Variants in SLC6A13 observed in about 807,000 individuals in gnomAD.
SLC6A13 encodes the protein solute carrier family 6 member 13.
SLC6A13 carries 69 observed loss-of-function variants against 72.9 expected under a neutral mutation model. The observed-to-expected ratio is 0.95, with a 90% confidence interval of 0.78 to 1.16. The LOEUF is 1.16. Among genes scored for constraint, SLC6A13 ranks in the 50% most tolerant of loss-of-function variants. The probability of loss-of-function intolerance (pLI) is 0.00; values close to 1 mark genes in which losing one functional copy is unlikely to be tolerated. For synonymous variants in SLC6A13, 303 were observed against 303.0 expected (o/e 1.00, Z 0.00); for missense variants, 735 against 760.5 (o/e 0.97, Z 0.39).
chr12:227,556 C>T lies in SLC6A13; in HGVS notation c.935+9G>A. 1 of 1,613,778 alleles carries T rather than the reference C, an allele frequency of 6.2e-7. No individual in the cohort carries two copies. The highest frequency in any genetic ancestry group is 8.5e-7 in the Non-Finnish European group (1 of 1,179,864). ...AGGTGTGTGGCTCAGGCCCCACGCC[C>T]CCAATCACCTGTAGCAGTTGTTGTG... On this transcript the variant is annotated intron_variant, in intron 8 of 14. Coordinates refer to ENST00000343164, the MANE Select transcript of SLC6A13 (RefSeq NM_016615.5).
chr12:254,608 C>G lies in SLC6A13; in HGVS notation c.202+5243G>C, dbSNP rs1475795243. On this transcript the variant is annotated intron_variant, in intron 2 of 14. Coordinates refer to ENST00000343164, the MANE Select transcript of SLC6A13 (RefSeq NM_016615.5). This position sits in a 1 kb window ranked among gnomAD's most constrained non-coding sequence, Gnocchi z 4.4. ...TTCTCTTGGTTTTCATCCTGCTTTA[C>G]CAGTTTCTCATTTTCTGTCTCCTCT... Among the ~76,000 whole-genome samples the G allele has an allele frequency of 6.6e-6, 1 of 152,198 alleles. No individual in the cohort carries two copies. The highest frequency in any genetic ancestry group is 2.4e-5 in the African/African-American group (1 of 41,446).
At chr12:235,012 C>T in intron 7 of SLC6A13, 78 bp downstream of exon 7, 3 of 1,560,128 alleles carry the variant, frequency 1.9e-6, no homozygotes, top group South Asian at 2.3e-5. Context: ...TGCGGGGGTT[C>T]CCCGTCAGAG....
intron 4 of SLC6A13, 133 bp downstream of exon 4, chr12:242,481 G>T: frequency 1.5e-6 from 1 of 650,476 alleles, no homozygotes; most frequent in Non-Finnish European, 2.4e-6. Flanking sequence ...TCTTATTCTT[G>T]ACATAAGCTC....
At chr12:243,620 C>T (rs1942246440) in intron 3 of SLC6A13, 59 bp downstream of exon 3, 2 of 1,552,136 alleles carry the variant, frequency 1.3e-6, no homozygotes, top group Non-Finnish European at 1.8e-6. Context: ...CAAGTCATTC[C>T]AAACAAGGTT....
At chr12:226,358 C>G in intron 9 of SLC6A13, 32 bp downstream of exon 9, 1 of 1,612,912 alleles carries the variant, frequency 6.2e-7, no homozygotes, top group Non-Finnish European at 8.5e-7. Flanking sequence ...GAACCAGGCT[C>G]ACTGCCTCCA....
At chr12:229,482 G>C (rs538632595) in intron 7 of SLC6A13, among the ~76,000 whole-genome samples, 3 of 152,336 alleles carry the variant, frequency 2.0e-5, no homozygotes, top group African/African-American at 7.2e-5. Flanking sequence ...TCTCATTCCT[G>C]CTTCACTGGC....
chr12:261,704 T>A (rs1942931579), intron 1 of SLC6A13, among the ~76,000 whole-genome samples: 1 of 152,074 alleles, frequency 6.6e-6, no homozygotes, highest in Non-Finnish European at 1.5e-5. Context: ...GGCGGGTGGA[T>A]CTCCTGAGGT....
In SLC6A13 at chr12:229,253, T is replaced by A. The variant is rs188409033; in HGVS notation, c.832-1585A>T. ...ACAGACCCTGGGACAGGCAAGGGGG[T>A]GTTTGCAAACTGCAGTGTCTCACTT... On this transcript the variant is annotated intron_variant, in intron 7 of 14. Transcript: ENST00000343164. Among the ~76,000 whole-genome samples the A allele has an allele frequency of 6.8e-4, 103 of 152,130 alleles. No homozygotes were observed. The South Asian group carries it at 7.7e-3, about 11-fold the overall frequency.
Position 259,882 on chromosome 12 carries a change from C to A in SLC6A13, c.171G>T (p.Arg57Ser), listed in dbSNP as rs1942871341. The change falls in exon 2 of 15, where the codon AGG becomes AGT. Residue 57 changes from arginine to serine, a missense_variant. Coordinates refer to ENST00000343164, the MANE Select transcript of SLC6A13 (RefSeq NM_016615.5). ...GEIIGLGNVW[R>S]FPYLCYKNGG... ...CATTTTTGTAGCAGAGATAGGGAAA[C>A]CTCCAGACGTTGCCTAAGCCAATGA... is the stretch of plus-strand genomic sequence containing the variant. The A allele has an allele frequency of 6.2e-7, 1 of 1,614,188 alleles. No individual in the cohort carries two copies. Among genetic ancestry groups the A allele is most frequent in the South Asian group, 1.1e-5 (1 of 91,088 alleles).
chr12:227,968 T>C (rs476646), intron 7 of SLC6A13, among the ~76,000 whole-genome samples: 81,139 of 151,890 alleles, frequency 0.53, 23,107 homozygotes, highest in East Asian at 0.75. Flanking sequence ...GGCTCTAGAA[T>C]GAAGCTAGGT....
intron 14 of SLC6A13, 102 bp from the exon 15 acceptor site, chr12:221,172 C>A: frequency 6.9e-7 from 1 of 1,443,694 alleles, no homozygotes; most frequent in South Asian, 1.4e-5. Flanking sequence ...ACAAACCTGC[C>A]CTCCTGTCAT....
intron 2 of SLC6A13, among the ~76,000 whole-genome samples, chr12:252,026 T>G (rs976008390): frequency 1.3e-5 from 2 of 152,136 alleles, no homozygotes; most frequent in Non-Finnish European, 2.9e-5. Flanking sequence ...AAATAGTATT[T>G]GTAAAATGCA....
Position 220,834 on chromosome 12 carries a change from T to C in SLC6A13, c.*114A>G. On this transcript the variant is annotated 3_prime_UTR_variant, in exon 15 of 15. Coordinates refer to ENST00000343164, the MANE Select transcript of SLC6A13 (RefSeq NM_016615.5). ...CAGGTGGACTCCAAAATACCCCTCT[T>C]GTCTTATCCACTCCAGGTCGGGGGC... 1.5e-6 allele frequency: 2 copies of C among 1,346,004 alleles called. No individual in the cohort carries two copies. Among genetic ancestry groups the C allele is most frequent in the Non-Finnish European group, 2.0e-6 (2 of 985,742 alleles). The allele number at this position is 1,346,004 out of a possible 1,614,324, so 83.4% of individuals were successfully genotyped here. A position where few individuals can be genotyped will look rare whatever the true frequency, so the allele number is the denominator to read the frequency against.
Position 259,794 on chromosome 12 carries a change from G to C in SLC6A13, c.202+57C>G, listed in dbSNP as rs759824170. Reference sequence around the variant, plus strand: ...CCCCAGAGGGGCCGTAAGTGCAGGAGATGGAAGTATCCTCCTTCCAGGAGT... The same window carrying C: ...CCCCAGAGGGGCCGTAAGTGCAGGACATGGAAGTATCCTCCTTCCAGGAGT... On this transcript the variant is annotated intron_variant, in intron 2 of 14. Coordinates refer to ENST00000343164, the MANE Select transcript of SLC6A13 (RefSeq NM_016615.5). 3.1e-6 allele frequency: 5 copies of C among 1,614,102 alleles called. No individual in the cohort carries two copies. The African/African-American group carries it at 5.3e-5, about 17-fold the overall frequency.
intron 2 of SLC6A13, among the ~76,000 whole-genome samples, chr12:249,973 T>C (rs1487938048): frequency 1.3e-5 from 2 of 152,134 alleles, no homozygotes; most frequent in Non-Finnish European, 2.9e-5. Context: ...AGTGTTGTAG[T>C]CTCCAGCTGT....
chr12:241,399 T>C (rs1477045319), intron 4 of SLC6A13, among the ~76,000 whole-genome samples: 1 of 152,214 alleles, frequency 6.6e-6, no homozygotes, highest in Non-Finnish European at 1.5e-5. Context: ...TGGAAGATAC[T>C]TGGACAAGGA....
At chr12:233,074 G>A (rs891779664) in intron 7 of SLC6A13, among the ~76,000 whole-genome samples, 9 of 152,204 alleles carry the variant, frequency 5.9e-5, no homozygotes, top group Admixed American at 1.3e-4. Context: ...TGTCTTCCAC[G>A]TGCTGGGAGC....
At chr12:256,763 T>TTGCCC (rs1284288848) in intron 2 of SLC6A13, 1 of 152,154 alleles carries the variant, frequency 6.6e-6, no homozygotes, top group Non-Finnish European at 1.5e-5. Flanking sequence ...AATTCCTTGA[T>TTGCCC]TGCCCTCCCC....
intron 7 of SLC6A13, among the ~76,000 whole-genome samples, chr12:233,424 G>C (rs1420536883): frequency 6.6e-6 from 1 of 152,210 alleles, no homozygotes; most frequent in Admixed American, 6.5e-5. Flanking sequence ...TCCCTACCCG[G>C]ACGGTAAAAA....
Sources: allele counts gnomAD v4.1 joint callset (sites outside exome capture counted in the v4.1 genomes callset), GRCh38; gene constraint gnomAD v4.1.1; non-coding constraint Gnocchi (gnomAD v3.1); transcripts MANE v1.5; gene names NCBI Gene and HGNC (gene_info 2026-07-23, HGNC 2026-07-21).